Variants in MCF2L2 observed in about 807,000 individuals in gnomAD.
MCF2L2 encodes the protein MCF.2 cell line derived transforming sequence-like 2.
A neutral mutation model predicts 150.2 loss-of-function variants in MCF2L2; 102 were observed. The observed-to-expected ratio is 0.68, with a 90% CI of 0.58 to 0.80. The LOEUF (loss-of-function observed/expected upper bound fraction) is 0.80, where lower values mean the gene tolerates loss of function less well. Among genes scored for constraint, MCF2L2 ranks in the 30% least tolerant of loss-of-function variants. The pLI, the probability that MCF2L2 is intolerant of heterozygous loss-of-function variation, is 0.00. For synonymous variants in MCF2L2, 465 were observed against 491.3 expected (o/e 0.95, Z 0.71); for missense variants, 1,256 against 1,372.8 (o/e 0.91, Z 1.34).
chr3:183,251,298 C>T (rs1011398578), intron 15 of MCF2L2, among the ~76,000 whole-genome samples: 10 of 152,172 alleles, frequency 6.6e-5, no homozygotes, highest in African/African-American at 2.4e-4. Context: ...GTTATCAGAC[C>T]TGCTTCTCCT....
chr3:183,332,328 G>A (rs1377866059), intron 5 of MCF2L2, among the ~76,000 whole-genome samples: 2 of 152,098 alleles, frequency 1.3e-5, no homozygotes, highest in African/African-American at 4.8e-5. Flanking sequence ...TGTGCCCAGG[G>A]TTTGGGTGAC....
intron 22 of MCF2L2, among the ~76,000 whole-genome samples, chr3:183,212,492 T>C (rs1722767873): frequency 6.6e-6 from 1 of 152,184 alleles, no homozygotes; most frequent in South Asian, 2.1e-4. Flanking sequence ...TAGTAAATGC[T>C]ACCACTTTCA....
intron 3 of MCF2L2, among the ~76,000 whole-genome samples, chr3:183,348,389 C>A (rs1488326043): frequency 1.4e-5 from 2 of 146,090 alleles, no homozygotes; most frequent in African/African-American, 5.3e-5. Flanking sequence ...ACATCACACA[C>A]CAGGACCTGT....
Position 183,178,770 on chromosome 3 carries a change from T to G in MCF2L2, c.*610A>C, listed in dbSNP as rs1346651247. 1 of 152,292 alleles carries G rather than the reference T, an allele frequency of 6.6e-6. No individual in the cohort carries two copies. The highest frequency in any genetic ancestry group is 1.5e-5 in the Non-Finnish European group (1 of 68,066). 9.4% of individuals were successfully genotyped at this position (152,292 alleles called of 1,614,324 possible). On this transcript the variant is annotated 3_prime_UTR_variant, in exon 30 of 30. Coordinates refer to ENST00000328913, the MANE Select transcript of MCF2L2 (RefSeq NM_015078.4). ...AAAGTAACTTGGAACGAACTCTCTC[T>G]ACAACGAAGCAATCTTGGCACTAAC...
intron 3 of MCF2L2, 89 bp downstream of exon 3, chr3:183,379,208 G>T: frequency 1.1e-6 from 1 of 882,806 alleles, no homozygotes; most frequent in Non-Finnish European, 1.7e-6. Context: ...CCATGCTCAT[G>T]GAAGTATATG....
chr3:183,273,549 A>G (rs919945872), intron 15 of MCF2L2, among the ~76,000 whole-genome samples: 1 of 152,214 alleles, frequency 6.6e-6, no homozygotes, highest in Non-Finnish European at 1.5e-5. Flanking sequence ...TCATGCTGGA[A>G]TATCTGGATG....
chr3:183,414,619 T>C (rs1043044882), intron 1 of MCF2L2, among the ~76,000 whole-genome samples: 4 of 152,210 alleles, frequency 2.6e-5, no homozygotes, highest in African/African-American at 7.2e-5. Flanking sequence ...TGCTTTTCTT[T>C]TCCTAGTGTC....
In MCF2L2 at chr3:183,339,500, C is replaced by T. The variant is rs533786565; in HGVS notation, c.367-581G>A. 2.6e-5 allele frequency among the ~76,000 whole-genome samples: 4 copies of T among 152,184 alleles called. No individual in the cohort carries two copies. In the South Asian group the frequency reaches 8.3e-4, roughly 32 times the overall value. On this transcript the variant is annotated intron_variant, in intron 4 of 29. Transcript: ENST00000328913. ...TTTACTATTGTAAATAATACTGAGA[C>T]GAACACCTTTATCCACATCTTGGAA...
intron 5 of MCF2L2, among the ~76,000 whole-genome samples, chr3:183,331,557 C>G (rs1382460211): frequency 6.6e-6 from 1 of 152,208 alleles, no homozygotes; most frequent in Non-Finnish European, 1.5e-5. Flanking sequence ...TTTAACTGCA[C>G]AAGAAGCATT....
At chr3:183,399,219 T>C (rs1232411821) in intron 1 of MCF2L2, among the ~76,000 whole-genome samples, 2 of 152,198 alleles carry the variant, frequency 1.3e-5, no homozygotes, top group African/African-American at 4.8e-5. Context: ...ACTATATAAG[T>C]ATATGGTATA....
At chr3:183,361,020 A>AAAGAAAAGAG (rs1712136333) in intron 3 of MCF2L2, among the ~76,000 whole-genome samples, 3 of 126,686 alleles carry the variant, frequency 2.4e-5, no homozygotes, top group South Asian at 2.5e-4. Flanking sequence ...AAAGAAAAGA[A>AAAGAAAAGAG]AAGAGAAAAG....
intron 2 of MCF2L2, among the ~76,000 whole-genome samples, chr3:183,382,932 C>T (rs898088547): frequency 6.6e-6 from 1 of 152,190 alleles, no homozygotes; most frequent in Non-Finnish European, 1.5e-5. Context: ...GGTTGCAAAG[C>T]ATCTTCCTAC....
chr3:183,232,893 C>T (rs1288043513), intron 15 of MCF2L2, among the ~76,000 whole-genome samples: 1 of 152,202 alleles, frequency 6.6e-6, no homozygotes, highest in Non-Finnish European at 1.5e-5. Flanking sequence ...TAAATTTGTG[C>T]AAGCTCTTTG....
In MCF2L2 at chr3:183,269,875, C is replaced by T. The variant is rs779368158; in HGVS notation, c.1862+6997G>A. On this transcript the variant is annotated intron_variant, in intron 15 of 29. Coordinates refer to ENST00000328913, the MANE Select transcript of MCF2L2 (RefSeq NM_015078.4). ...CAGTTATTTGCTACTTGTTTTTTAG[C>T]GAGCCTCATGTTTTTTTGGGAACCA... is the stretch of plus-strand genomic sequence containing the variant. 28 of 1,613,568 alleles carry T rather than the reference C, an allele frequency of 1.7e-5. No individual in the cohort carries two copies. In the East Asian group the frequency reaches 2.5e-4, roughly 14 times the overall value.
rs1270970731 is a variant in MCF2L2 at position 183,179,603 on chromosome 3, T to C, written c.3195A>G (p.Glu1065=). The C allele has an allele frequency of 2.5e-6, 4 of 1,614,036 alleles. No individual in the cohort carries two copies. The highest frequency in any genetic ancestry group is 1.1e-5 in the South Asian group (1 of 91,084). The change falls in exon 29 of 30, where the codon GAA becomes GAG. Residue 1065 remains glutamate, a synonymous_variant. Transcript: ENST00000328913. This position sits in a 1 kb window ranked among gnomAD's most constrained non-coding sequence, Gnocchi z 4.2. ...FLERGESSQG[E]KEERDEEETA... ...TTTCCTCCTCATCGCGTTCTTCTTT[T>C]TCTCCCTGGCTGCTTTCTCCCCTCT... is the stretch of plus-strand genomic sequence containing the variant.
intron 2 of MCF2L2, among the ~76,000 whole-genome samples, chr3:183,385,218 A>T (rs1452768225): frequency 6.6e-6 from 1 of 152,260 alleles, no homozygotes; most frequent in Non-Finnish European, 1.5e-5. Context: ...TAACCTTTTT[A>T]ATATGGTTAC....
chr3:183,303,997 G>A (rs1242994045), intron 10 of MCF2L2, among the ~76,000 whole-genome samples: 2 of 151,992 alleles, frequency 1.3e-5, no homozygotes, highest in African/African-American at 4.8e-5. Context: ...AAATATTCAG[G>A]CAGCTTCAGG....
chr3:183,353,580 G>A (rs899319676), intron 3 of MCF2L2, among the ~76,000 whole-genome samples: 67 of 152,264 alleles, frequency 4.4e-4, no homozygotes, highest in African/African-American at 1.4e-3. Flanking sequence ...ACGTCTTATC[G>A]TGCCTGGAGC....
chr3:183,231,270 G>C, intron 15 of MCF2L2: 1 of 601,020 alleles, frequency 1.7e-6, no homozygotes. Context: ...GGCAGCCAGT[G>C]AATGACCTGT....
Sources: allele counts gnomAD v4.1 joint callset (sites outside exome capture counted in the v4.1 genomes callset), GRCh38; gene constraint gnomAD v4.1.1; non-coding constraint Gnocchi (gnomAD v3.1); transcripts MANE v1.5; gene names NCBI Gene and HGNC (gene_info 2026-07-23, HGNC 2026-07-21).